SUPV3L1: variants seen among roughly 807,000 people sequenced by gnomAD.
The protein encoded by SUPV3L1 is Suv3 like RNA helicase.
A neutral mutation model predicts 70.0 loss-of-function variants in SUPV3L1; 35 were observed. That is an observed-to-expected ratio of 0.50 (90% confidence interval 0.38 to 0.66). SUPV3L1 has a LOEUF of 0.66. Among genes scored for constraint, SUPV3L1 ranks in the 30% least tolerant of loss-of-function variants. The pLI, the probability that SUPV3L1 is intolerant of heterozygous loss-of-function variation, is 0.00. For missense variants in SUPV3L1, 777 were observed against 961.5 expected, an observed-to-expected ratio of 0.81 and a Z score of 2.54; for synonymous variants, 364 against 341.9, an observed-to-expected ratio of 1.06 and a Z score of -0.71.
rs1272624950 is a variant in SUPV3L1 at position 69,198,514 on chromosome 10, G to T, written c.1166G>T (p.Gly389Val). 1 of 1,613,878 alleles carries T rather than the reference G, an allele frequency of 6.2e-7. No homozygotes were observed. Among genetic ancestry groups the T allele is most frequent in the Non-Finnish European group, 8.5e-7 (1 of 1,179,992 alleles). The part of the protein sequence containing the change: ...YSVSRQIEIR[G>V]LESAVIYGSL... Reference sequence around the variant, plus strand: ...GTGAGTCGGCAGATTGAAATTCGGGGATTAGAATCAGCTGTTATATATGGC... The same window carrying T: ...GTGAGTCGGCAGATTGAAATTCGGGTATTAGAATCAGCTGTTATATATGGC... The change falls in exon 9 of 15, where the codon GGA becomes GTA. Residue 389 changes from glycine (G) to valine (V), a missense_variant. Physicochemically the swap from Gly to Val is moderately radical, Grantham distance 109. Transcript: ENST00000359655.
At chr10:69,207,475 C>T (rs1211022564) in intron 13 of SUPV3L1, among the ~76,000 whole-genome samples, 1 of 152,032 alleles carries the variant, frequency 6.6e-6, no homozygotes. Flanking sequence ...CCACCATGCC[C>T]AGCTAATTCT....
chr10:69,206,092 A>G (rs569768574), intron 13 of SUPV3L1, among the ~76,000 whole-genome samples: 21 of 152,140 alleles, frequency 1.4e-4, no homozygotes, highest in African/African-American at 4.8e-4. Flanking sequence ...TAGCTCTTTT[A>G]TGTATTGGGC....
chr10:69,197,054 C>T lies in SUPV3L1; in HGVS notation c.994C>T (p.Leu332Phe). 1.2e-6 allele frequency: 2 copies of T among 1,614,038 alleles called. No individual in the cohort carries two copies. Among genetic ancestry groups the T allele is most frequent in the Middle Eastern group, 1.7e-4 (1 of 6,060 alleles). The change falls in exon 8 of 15, where the codon CTT becomes TTT. Residue 332 changes from leucine to phenylalanine, a missense_variant. This residue lies in a region of SUPV3L1 where 619 missense variants were observed against 823.3 expected (regional missense o/e 0.75). Transcript: ENST00000359655. ...TGCTGCTATTGACCTGGTGATGGAG[C>T]TTATGTACACAACGGGGGAGGAAGT... ...EPAAIDLVMELMYTTGEEVEV... is the reference protein window; with the variant it reads ...EPAAIDLVMEFMYTTGEEVEV...
rs1049845590 is a variant in SUPV3L1 at position 69,207,806 on chromosome 10, A to G, written c.1790A>G (p.Tyr597Cys). ...TTTCTCTCTCAGTTTGCCAGGCAGTATAGCAGGAATGAGCCCCTGACCTTT... is the reference window on the plus strand; with the variant it reads ...TTTCTCTCTCAGTTTGCCAGGCAGTGTAGCAGGAATGAGCCCCTGACCTTT... ...CSSLLQFARQ[Y>C]SRNEPLTFAW... Residue 597 changes from tyrosine to cysteine, a missense_variant, in exon 14 of 15, where the codon TAT becomes TGT. By Grantham distance (194) the Tyr-to-Cys change is radical (BLOSUM62 -2). Coordinates refer to ENST00000359655, the MANE Select transcript of SUPV3L1 (RefSeq NM_003171.5). The G allele has an allele frequency of 6.2e-7, 1 of 1,613,976 alleles. No individual in the cohort carries two copies. Among genetic ancestry groups the G allele is most frequent in the Non-Finnish European group, 8.5e-7 (1 of 1,179,936 alleles).
intron 11 of SUPV3L1, among the ~76,000 whole-genome samples, chr10:69,201,133 G>A (rs1347350787): frequency 4.6e-5 from 7 of 152,142 alleles, no homozygotes; most frequent in Non-Finnish European, 1.0e-4. Flanking sequence ...GGAAGGCTGT[G>A]CTGGAATCAT....
chr10:69,181,933 A>G (rs972828183), intron 1 of SUPV3L1, among the ~76,000 whole-genome samples: 2 of 151,226 alleles, frequency 1.3e-5, no homozygotes, highest in Non-Finnish European at 3.0e-5. Context: ...ACTATTATTT[A>G]TTTTTAAATT....
In SUPV3L1 at chr10:69,189,075, A is replaced by G. The variant is rs528878239; in HGVS notation, c.573-192A>G. On this transcript the variant is annotated intron_variant, in intron 4 of 14. Transcript: ENST00000359655. ...TTGCATTTGGGTTTTTCTGTCCTCT[A>G]GTTAGTAAATGCTATTCTTGGAAAC... Among the ~76,000 whole-genome samples, 11 of 152,362 alleles carry G rather than the reference A, an allele frequency of 7.2e-5. No individual in the cohort carries two copies. The East Asian group carries it at 2.1e-3, about 29-fold the overall frequency.
Position 69,207,773 on chromosome 10 carries a change from T to A in SUPV3L1, c.1777-20T>A. On this transcript the variant is annotated intron_variant, in intron 13 of 14. Transcript: ENST00000359655. ...GAATTCTGACACTTCTCTGAAACCC[T>A]TTTCCTCTTTCTCTCTCAGTTTGCC... 6.2e-7 allele frequency: 1 copy of A among 1,603,470 alleles called. No individual in the cohort carries two copies. Among genetic ancestry groups the A allele is most frequent in the South Asian group, 1.1e-5 (1 of 89,572 alleles).
rs768249913 is a variant in SUPV3L1, at chr10:69,180,412, C to G, written c.121C>G (p.Gln41Glu). 1.7e-5 allele frequency: 28 copies of G among 1,614,142 alleles called. No individual in the cohort carries two copies. In the South Asian group the frequency reaches 3.1e-4, roughly 18 times the overall value. Reference protein sequence around the residue: ...HFGPFPGVLGQVSVLATASSS... With the variant: ...HFGPFPGVLGEVSVLATASSS... ...TGGGCCCTTTCCCGGGGTTCTGGGGCAAGTTTCTGTCCTTGCCACCGCCTC... is the reference window on the plus strand; with the variant it reads ...TGGGCCCTTTCCCGGGGTTCTGGGGGAAGTTTCTGTCCTTGCCACCGCCTC... Residue 41 changes from glutamine to glutamate, a missense_variant, in exon 1 of 15, where the codon CAA becomes GAA. Physicochemically the swap from Gln to Glu is conservative, Grantham distance 29. Coordinates refer to ENST00000359655, the MANE Select transcript of SUPV3L1 (RefSeq NM_003171.5).
At chr10:69,205,763 G>C (rs1234902901) in intron 13 of SUPV3L1, among the ~76,000 whole-genome samples, 1 of 152,180 alleles carries the variant, frequency 6.6e-6, no homozygotes. Context: ...TCAAACTCCT[G>C]ACCTCAAGTG....
rs758928119 is a variant in SUPV3L1, at chr10:69,189,406, C to T, written c.712C>T (p.His238Tyr). ...TTGTGGCCCTCTAAAATTACTGGCA[C>T]ATGAGATCTTCGAAAAGAGTAATGC... Reference protein sequence around the residue: ...VYCGPLKLLAHEIFEKSNAAG... With the variant: ...VYCGPLKLLAYEIFEKSNAAG... The change falls in exon 5 of 15, where the codon CAT becomes TAT. Residue 238 changes from histidine (H) to tyrosine (Y), a missense_variant. Transcript: ENST00000359655. The T allele has an allele frequency of 9.9e-6, 16 of 1,611,580 alleles. No individual in the cohort carries two copies. The African/African-American group carries it at 1.7e-4, about 17-fold the overall frequency.
chr10:69,199,602 C>CT (rs759217180), intron 10 of SUPV3L1, among the ~76,000 whole-genome samples: 1 of 152,032 alleles, frequency 6.6e-6, no homozygotes, highest in Non-Finnish European at 1.5e-5. Flanking sequence ...AAGCTAGTCT[C>CT]TAACTCCTGG....
chr10:69,196,266 C>A (rs1842539349), intron 7 of SUPV3L1, among the ~76,000 whole-genome samples: 1 of 152,024 alleles, frequency 6.6e-6, no homozygotes, highest in Admixed American at 6.6e-5. Flanking sequence ...CCGAGGCTGG[C>A]CGATTGCTTG....
intron 2 of SUPV3L1, 73 bp downstream of exon 2, chr10:69,186,137 C>T: frequency 7.7e-7 from 1 of 1,305,820 alleles, no homozygotes; most frequent in Non-Finnish European, 1.1e-6. Flanking sequence ...ACTGTACGAC[C>T]CCTCATGTGA....
At chr10:69,193,544 TC>T (rs1354204573) in intron 6 of SUPV3L1, among the ~76,000 whole-genome samples, 3 of 148,568 alleles carry the variant, frequency 2.0e-5, no homozygotes, top group Non-Finnish European at 3.0e-5. Flanking sequence ...AGTCGTGACC[TC>T]CTGGGCTCAA....
rs1275025180 is a variant in SUPV3L1, at chr10:69,180,585, G to A, written c.271+23G>A. The A allele has an allele frequency of 3.1e-6, 5 of 1,610,430 alleles. No individual in the cohort carries two copies. The African/African-American group carries it at 5.3e-5, about 17-fold the overall frequency. On this transcript the variant is annotated intron_variant, in intron 1 of 14. Coordinates refer to ENST00000359655, the MANE Select transcript of SUPV3L1 (RefSeq NM_003171.5). ...AGAGTGAGTGCGGGAACTACTGAGG[G>A]CGGCAGAGGGTGGTGTCTGCTGGGC...
chr10:69,181,982 T>A (rs1385311305), intron 1 of SUPV3L1, among the ~76,000 whole-genome samples: 1 of 151,298 alleles, frequency 6.6e-6, no homozygotes, highest in Non-Finnish European at 1.5e-5. Context: ...AGCTTTTTTT[T>A]AGTTTTTTTT....
At position 69,187,749 on chromosome 10, in the gene SUPV3L1, C is replaced by T. The variant is rs892037471; in HGVS notation, c.565C>T (p.Pro189Ser). Residue 189 changes from proline (P) to serine (S), a missense_variant, in exon 4 of 15, where the codon CCT becomes TCT. By Grantham distance (74) the Pro-to-Ser change is moderately conservative. Transcript: ENST00000359655. The stretch of plus-strand genomic sequence containing the variant: ...TAAAATCAGTGACTTAAGAATACCA[C>T]CTAACTGGTTAGTTTCTCCATTTGT... ...LRKISDLRIP[P>S]NWYPDARAMQ... 7.5e-6 allele frequency: 12 copies of T among 1,591,372 alleles called. No individual in the cohort carries two copies. The highest frequency in any genetic ancestry group is 1.0e-5 in the Non-Finnish European group (12 of 1,166,524).
intron 4 of SUPV3L1, among the ~76,000 whole-genome samples, chr10:69,188,094 C>T (rs1337150656): frequency 2.6e-5 from 4 of 152,142 alleles, no homozygotes; most frequent in Admixed American, 2.6e-4. Flanking sequence ...ACTGCAACAT[C>T]ACCTAGCACT....
Sources: allele counts gnomAD v4.1 joint callset (sites outside exome capture counted in the v4.1 genomes callset), GRCh38; gene constraint gnomAD v4.1.1; regional missense constraint gnomAD v4.1.1; transcripts MANE v1.5; gene names NCBI Gene and HGNC (gene_info 2026-07-23, HGNC 2026-07-21).